TMEM245: variants seen among roughly 807,000 people sequenced by gnomAD.
TMEM245 encodes the protein protein CG-2.
TMEM245 carries 69 observed loss-of-function variants against 101.2 expected under a neutral mutation model. That is an observed-to-expected ratio of 0.68 (90% confidence interval 0.56 to 0.83). TMEM245 has a LOEUF of 0.83. Ranked by LOEUF, TMEM245 falls within the 40% of genes least tolerant of loss-of-function variation. The pLI is 0.00. For missense variants in TMEM245, 1,075 were observed against 1,092.8 expected, an observed-to-expected ratio of 0.98 and a Z score of 0.23; for synonymous variants, 537 against 449.8, an observed-to-expected ratio of 1.19 and a Z score of -2.45.
At position 109,106,604 on chromosome 9, in the gene TMEM245, G is replaced by A. The variant is rs752470527; in HGVS notation, c.703C>T (p.Leu235=). 1 of 1,608,438 alleles carries A rather than the reference G, an allele frequency of 6.2e-7. No individual in the cohort carries two copies. Among genetic ancestry groups the A allele is most frequent in the Non-Finnish European group, 8.5e-7 (1 of 1,176,602 alleles). ...WIILLFHLAS[L]AGSWRIPVFL... Reference sequence around the variant, plus strand: ...ACTGGAATTCTCCATGAGCCAGCCAGGGATGCTGCAAATTATTAAGAATTA... The same window carrying A: ...ACTGGAATTCTCCATGAGCCAGCCAAGGATGCTGCAAATTATTAAGAATTA... Residue 235 remains leucine, a synonymous_variant, in exon 3 of 18, where the codon CTG becomes TTG. Coordinates refer to ENST00000374586, the MANE Select transcript of TMEM245 (RefSeq NM_032012.4).
rs1201240269 is a variant in TMEM245, at chr9:109,015,364, C to T, written c.*5096G>A. 6.6e-6 allele frequency: 1 copy of T among 152,046 alleles called. No homozygotes were observed. Among genetic ancestry groups the T allele is most frequent in the Non-Finnish European group, 1.5e-5 (1 of 68,006 alleles). 9.4% of individuals were successfully genotyped at this position (152,046 alleles called of 1,614,324 possible). On this transcript the variant is annotated 3_prime_UTR_variant, in exon 18 of 18. Transcript: ENST00000374586. ...ATACATTTTCAAAGAGTTATGTAAG[C>T]AATTACAACTCTATATCAAATCTTA... is the stretch of plus-strand genomic sequence containing the variant.
At position 109,090,046 on chromosome 9, in the gene TMEM245, A is replaced by G. The variant is rs111543231; in HGVS notation, c.1150+876T>C. 9.5e-4 allele frequency among the ~76,000 whole-genome samples: 144 copies of G among 151,678 alleles called. 1 individual carries two copies. Among genetic ancestry groups the G allele is most frequent in the African/African-American group, 3.2e-3 (134 of 41,394 alleles). On this transcript the variant is annotated intron_variant, in intron 5 of 17. Transcript: ENST00000374586. ...GAGGCGGAGGTGAGCGGATGACTTA[A>G]GGTAAGGATTCGAGACCAGCCTGGC...
At chr9:109,063,189 G>A (rs1207089338) in intron 10 of TMEM245, among the ~76,000 whole-genome samples, 1 of 151,494 alleles carries the variant, frequency 6.6e-6, no homozygotes, top group Non-Finnish European at 1.5e-5. Flanking sequence ...GCATGATCTC[G>A]GCTCACTGCA....
At position 109,078,293 on chromosome 9, in the gene TMEM245, TAAATAAATTA is replaced by T. The variant is rs1164291187; in HGVS notation, c.1449+2536_1449+2545del. Among the ~76,000 whole-genome samples the T allele has an allele frequency of 2.6e-5, 4 of 152,094 alleles. No homozygotes were observed. The East Asian group carries it at 7.7e-4, about 29-fold the overall frequency. ...CTATTTTTCTTTAGTCATATTTGTT[TAAATAAATTA>T]AAAGAAGACAGGGGAAAATATAACC... On this transcript the variant is annotated intron_variant, in intron 8 of 17. Transcript: ENST00000374586.
chr9:109,061,636 G>A (rs1829015293), intron 10 of TMEM245, among the ~76,000 whole-genome samples: 1 of 151,888 alleles, frequency 6.6e-6, no homozygotes, highest in Admixed American at 6.6e-5. Flanking sequence ...GCGCGATCTC[G>A]ACTCTCATTG....
At chr9:109,088,484 CA>C (rs1301637126) in intron 5 of TMEM245, among the ~76,000 whole-genome samples, 1 of 151,834 alleles carries the variant, frequency 6.6e-6, no homozygotes, top group African/African-American at 2.4e-5. Flanking sequence ...AGAGTTGCAA[CA>C]GCATTTGACA....
chr9:109,053,719 T>C (rs2132404525), intron 12 of TMEM245, among the ~76,000 whole-genome samples: 1 of 152,332 alleles, frequency 6.6e-6, no homozygotes, highest in Admixed American at 6.5e-5. Context: ...TTAACTTCGT[T>C]TCCCAGTACT....
rs192846431 is a variant in TMEM245, at chr9:109,109,280, T to A, written c.580-710A>T. On this transcript the variant is annotated intron_variant, in intron 1 of 17. Coordinates refer to ENST00000374586, the MANE Select transcript of TMEM245 (RefSeq NM_032012.4). ...AAATGACCCTAGAGCTTAAGACGCA[T>A]CAAAAGAAACCAGCGTAGCCTACAC... is the stretch of plus-strand genomic sequence containing the variant. Among the ~76,000 whole-genome samples, 493 of 152,170 alleles carry A rather than the reference T, an allele frequency of 3.2e-3. 1 individual carries two copies. Among genetic ancestry groups the A allele is most frequent in the Admixed American group, 6.0e-3 (91 of 15,276 alleles).
chr9:109,031,870 T>C (rs1262044670), intron 17 of TMEM245, among the ~76,000 whole-genome samples: 1 of 152,256 alleles, frequency 6.6e-6, no homozygotes, highest in Non-Finnish European at 1.5e-5. Flanking sequence ...ATAACAGTAC[T>C]TTTTATTTTA....
At chr9:109,041,235 G>A (rs1257646906) in intron 14 of TMEM245, among the ~76,000 whole-genome samples, 1 of 152,112 alleles carries the variant, frequency 6.6e-6, no homozygotes, top group Non-Finnish European at 1.5e-5. Flanking sequence ...TCAATAAGCA[G>A]TGGCTATTAG....
rs749486809 is a variant in TMEM245, at chr9:109,119,934, C to A, written c.-21G>T. 20 of 1,291,460 alleles carry A rather than the reference C, an allele frequency of 1.5e-5. No homozygotes were observed. The highest frequency in any genetic ancestry group is 2.0e-5 in the Non-Finnish European group (20 of 1,023,698). The allele number at this position is 1,291,460 out of a possible 1,614,324, so 80.0% of individuals were successfully genotyped here. ...GCCATCGTTCCTCCGCCACAGCCGC[C>A]CCCGAGGGGCGGTAATGGGAGTCGG... On this transcript the variant is annotated 5_prime_UTR_variant, in exon 1 of 18. Transcript: ENST00000374586.
Position 109,119,920 on chromosome 9 carries a change from T to C in TMEM245, c.-7A>G. ...GGCCGCCGCCGTCGGCCATCGTTCC[T>C]CCGCCACAGCCGCCCCCGAGGGGCG... is the stretch of plus-strand genomic sequence containing the variant. On this transcript the variant is annotated 5_prime_UTR_variant, in exon 1 of 18. Coordinates refer to ENST00000374586, the MANE Select transcript of TMEM245 (RefSeq NM_032012.4). 3 of 1,283,274 alleles carry C rather than the reference T, an allele frequency of 2.3e-6. No individual in the cohort carries two copies. The highest frequency in any genetic ancestry group is 2.9e-6 in the Non-Finnish European group (3 of 1,019,672). 79.5% of individuals were successfully genotyped at this position (1,283,274 alleles called of 1,614,324 possible).
chr9:109,068,286 C>T (rs1053576594), intron 9 of TMEM245, among the ~76,000 whole-genome samples: 1 of 150,746 alleles, frequency 6.6e-6, no homozygotes, highest in Admixed American at 6.6e-5. Flanking sequence ...AGGAGAATGG[C>T]GTGCACCTGG....
Position 109,044,759 on chromosome 9 carries a change from T to C in TMEM245, c.2123+5524A>G, listed in dbSNP as rs943289963. Among the ~76,000 whole-genome samples the C allele has an allele frequency of 5.4e-5, 8 of 148,544 alleles. No homozygotes were observed. In the East Asian group the frequency reaches 7.8e-4, roughly 15 times the overall value. ...TCCATCATCTTGATCATTTATCATTTTGGTTTTTTTTTTTTTTTTTGAGAT... is the reference window on the plus strand; with the variant it reads ...TCCATCATCTTGATCATTTATCATTCTGGTTTTTTTTTTTTTTTTTGAGAT... On this transcript the variant is annotated intron_variant, in intron 14 of 17. Coordinates refer to ENST00000374586, the MANE Select transcript of TMEM245 (RefSeq NM_032012.4).
At chr9:109,111,657 A>C (rs1830570517) in intron 1 of TMEM245, among the ~76,000 whole-genome samples, 1 of 152,204 alleles carries the variant, frequency 6.6e-6, no homozygotes, top group Non-Finnish European at 1.5e-5. Context: ...TGCCATTTAC[A>C]ATATAAAAAA....
Position 109,119,458 on chromosome 9 carries a change from G to A in TMEM245, c.456C>T (p.Leu152=), listed in dbSNP as rs1417455539. ...CGTACAGGAGCGGGCCGCCGGCGCC[G>A]AGCAGCAGGAGCAGGCGGCGGCGGC... ...ALRRRRLLLL[L]GAGGPLLYGL... Residue 152 remains leucine, a synonymous_variant, in exon 1 of 18, where the codon CTC becomes CTT. Coordinates refer to ENST00000374586, the MANE Select transcript of TMEM245 (RefSeq NM_032012.4). 2.7e-6 allele frequency: 4 copies of A among 1,495,160 alleles called. No homozygotes were observed. Among genetic ancestry groups the A allele is most frequent in the East Asian group, 5.3e-5 (2 of 37,384 alleles). The allele number at this position is 1,495,160 out of a possible 1,614,324, so 92.6% of individuals were successfully genotyped here.
At position 109,033,327 on chromosome 9, in the gene TMEM245, T is replaced by C. The variant is rs1345062866; in HGVS notation, c.2574A>G (p.Pro858=). The change falls in exon 17 of 18, where the codon CCA becomes CCG. Residue 858 remains proline, a synonymous_variant. Coordinates refer to ENST00000374586, the MANE Select transcript of TMEM245 (RefSeq NM_032012.4). ...TNSVPTPNQT[P]WPAQPQRTFR... ...CTCACCGCTGAGGCTGAGCAGGCCA[T>C]GGGGTCTGGTTTGGCGTGGGAACTG... The C allele has an allele frequency of 1.9e-6, 3 of 1,611,608 alleles. No individual in the cohort carries two copies. In the African/African-American group the frequency reaches 4.0e-5, roughly 22 times the overall value.
In TMEM245 at chr9:109,030,278, T is replaced by C. The variant is rs544046429; in HGVS notation, c.2594+3029A>G. On this transcript the variant is annotated intron_variant, in intron 17 of 17. Transcript: ENST00000374586. Reference sequence around the variant, plus strand: ...TGTCCTTATTTTTCACTGAGTTTTGTAGAAATTTGACTCTTTAAACTCATG... The same window carrying C: ...TGTCCTTATTTTTCACTGAGTTTTGCAGAAATTTGACTCTTTAAACTCATG... 9.7e-4 allele frequency among the ~76,000 whole-genome samples: 147 copies of C among 152,310 alleles called. 1 individual carries two copies. Among genetic ancestry groups the C allele is most frequent in the African/African-American group, 3.3e-3 (137 of 41,558 alleles).
Position 109,060,473 on chromosome 9 carries a change from G to C in TMEM245, c.1624-21C>G, listed in dbSNP as rs115395884. 6.8e-4 allele frequency: 1,033 copies of C among 1,525,512 alleles called. 2 individuals are homozygous for C. The highest frequency in any genetic ancestry group is 8.8e-4 in the Non-Finnish European group (975 of 1,103,610). 94.5% of individuals were successfully genotyped at this position (1,525,512 alleles called of 1,614,324 possible). A position where few individuals can be genotyped will look rare whatever the true frequency, so the allele number is the denominator to read the frequency against. On this transcript the variant is annotated intron_variant, in intron 10 of 17. Transcript: ENST00000374586. ...TGGAGCTAGAAAAAAACACAGATACGACGTGGTACAATATTTCAGGCAACA... is the reference window on the plus strand; with the variant it reads ...TGGAGCTAGAAAAAAACACAGATACCACGTGGTACAATATTTCAGGCAACA...
Sources: allele counts gnomAD v4.1 joint callset (sites outside exome capture counted in the v4.1 genomes callset), GRCh38; gene constraint gnomAD v4.1.1; transcripts MANE v1.5; gene names NCBI Gene and HGNC (gene_info 2026-07-23, HGNC 2026-07-21).